ZNF385D: variants seen among roughly 807,000 people sequenced by gnomAD.
ZNF385D encodes the protein zinc finger protein 385D, also known as zinc finger protein 659.
In ZNF385D, 15 loss-of-function variants were observed where a neutral mutation model predicts 35.8. That is an observed-to-expected ratio of 0.42 (90% CI 0.28 to 0.64). The LOEUF (loss-of-function observed/expected upper bound fraction) is 0.64, where lower values mean the gene tolerates loss of function less well. Among genes scored for constraint, ZNF385D ranks in the 30% least tolerant of loss-of-function variants. The pLI is 0.23. For synonymous variants in ZNF385D, 212 were observed against 186.8 expected (o/e 1.13, Z -1.10); for missense variants, 474 against 494.6 (o/e 0.96, Z 0.39).
At chr3:21,791,749 T>C (rs2071935445) in intron 3 of ZNF385D, among the ~76,000 whole-genome samples, 1 of 152,212 alleles carries the variant, frequency 6.6e-6, no homozygotes, top group African/African-American at 2.4e-5. Flanking sequence ...TTTTTGGTTG[T>C]TGTTGAGATG....
chr3:22,186,310 G>A (rs1001045704), intron 2 of ZNF385D, among the ~76,000 whole-genome samples: 4 of 152,132 alleles, frequency 2.6e-5, no homozygotes, highest in African/African-American at 7.2e-5. Flanking sequence ...GTAATTTGAC[G>A]TAACTTGAAT....
intron 3 of ZNF385D, among the ~76,000 whole-genome samples, chr3:22,047,812 G>A (rs866236315): frequency 6.6e-6 from 1 of 151,966 alleles, no homozygotes; most frequent in Non-Finnish European, 1.5e-5. Flanking sequence ...AATTTTTTGA[G>A]GAATTTTCAT....
At chr3:22,008,581 C>G (rs569562470) in intron 3 of ZNF385D, among the ~76,000 whole-genome samples, 2 of 152,136 alleles carry the variant, frequency 1.3e-5, no homozygotes, top group South Asian at 2.1e-4. Context: ...TGGTCTCGAT[C>G]TCCTGACCTC....
chr3:22,292,015 A>G (rs1702325309), intron 2 of ZNF385D, among the ~76,000 whole-genome samples: 1 of 152,042 alleles, frequency 6.6e-6, no homozygotes, highest in Non-Finnish European at 1.5e-5. Flanking sequence ...AGGCTCTGTT[A>G]TCTCCTGAAC....
intron 1 of ZNF385D, among the ~76,000 whole-genome samples, chr3:21,691,453 C>A (rs17009327): frequency 1.3e-5 from 2 of 151,982 alleles, no homozygotes; most frequent in Non-Finnish European, 2.9e-5. Flanking sequence ...ACAAATCACC[C>A]GTCAGACACT....
chr3:21,751,467 C>T (rs924724875), upstream of ZNF385D: 21 of 985,832 alleles, frequency 2.1e-5, no homozygotes, highest in Non-Finnish European at 2.3e-5. Flanking sequence ...CGAGTTCTGC[C>T]ATTAACGTGT....
At chr3:22,064,102 G>A (rs1019163822) in intron 3 of ZNF385D, among the ~76,000 whole-genome samples, 1 of 152,188 alleles carries the variant, frequency 6.6e-6, no homozygotes, top group African/African-American at 2.4e-5. Context: ...GGACTGCTAG[G>A]ACTTCAGTCT....
At chr3:22,191,622 A>G (rs1696035488) in intron 2 of ZNF385D, among the ~76,000 whole-genome samples, 1 of 152,186 alleles carries the variant, frequency 6.6e-6, no homozygotes, top group African/African-American at 2.4e-5. Flanking sequence ...TTCTTACTAA[A>G]GATCTATTGT....
intron 3 of ZNF385D, among the ~76,000 whole-genome samples, chr3:21,812,290 G>C (rs1407524777): frequency 6.6e-6 from 1 of 152,368 alleles, no homozygotes; most frequent in East Asian, 1.9e-4. Context: ...GAGTGACGCA[G>C]AAGATGGGTG....
chr3:22,232,944 A>G (rs2125300840), intron 2 of ZNF385D, among the ~76,000 whole-genome samples: 1 of 152,298 alleles, frequency 6.6e-6, no homozygotes, highest in East Asian at 1.9e-4. Context: ...CATTCTGCTT[A>G]AACAGATTTT....
intron 3 of ZNF385D, among the ~76,000 whole-genome samples, chr3:22,042,872 A>G (rs1698753850): frequency 6.6e-6 from 1 of 152,212 alleles, no homozygotes; most frequent in Admixed American, 6.5e-5. Context: ...ATGTCAAAGT[A>G]AATTCTATAT....
At chr3:21,890,265 T>A (rs1698781023) in intron 3 of ZNF385D, among the ~76,000 whole-genome samples, 1 of 152,102 alleles carries the variant, frequency 6.6e-6, no homozygotes, top group Non-Finnish European at 1.5e-5. Flanking sequence ...AGAAAAAAAG[T>A]TTTCCTTAAG....
intron 3 of ZNF385D, among the ~76,000 whole-genome samples, chr3:22,001,566 A>G (rs2125415390): frequency 6.6e-6 from 1 of 152,188 alleles, no homozygotes; most frequent in Admixed American, 6.5e-5. Context: ...CACTCTCAGC[A>G]CTAGACAGAA....
intron 2 of ZNF385D, among the ~76,000 whole-genome samples, chr3:22,272,617 C>T (rs1701234232): frequency 6.6e-6 from 1 of 152,054 alleles, no homozygotes; most frequent in Admixed American, 6.6e-5. Context: ...TTATGTAACA[C>T]AGTGTTATCA....
chr3:21,732,261 A>G (rs1003925349), intron 1 of ZNF385D, among the ~76,000 whole-genome samples: 4 of 151,866 alleles, frequency 2.6e-5, no homozygotes, highest in African/African-American at 9.7e-5. Flanking sequence ...CATGTTGGCC[A>G]GTCTGGTCTG....
intron 1 of ZNF385D, among the ~76,000 whole-genome samples, chr3:21,688,571 T>C (rs184971691): frequency 6.6e-6 from 1 of 152,310 alleles, no homozygotes; most frequent in East Asian, 1.9e-4. Flanking sequence ...ACATTCTTTC[T>C]GAATCTCAGC....
intron 4 of ZNF385D, among the ~76,000 whole-genome samples, chr3:21,490,385 TATC>T (rs1299141156): frequency 1.3e-5 from 2 of 152,114 alleles, no homozygotes; most frequent in Non-Finnish European, 2.9e-5. Context: ...AAATAAAAAA[TATC>T]ATGATGCTAG....
chr3:21,566,282 G>A lies in ZNF385D; in HGVS notation c.166-1598C>T, dbSNP rs559860205. Among the ~76,000 whole-genome samples the A allele has an allele frequency of 5.9e-5, 9 of 152,150 alleles. No homozygotes were observed. In the South Asian group the frequency reaches 1.9e-3, roughly 32 times the overall value. ...AAACATTAATCCTTGCCCAAATTCT[G>A]GATGAAGCTCAGCCTCTCCTCATTG... On this transcript the variant is annotated intron_variant, in intron 2 of 7. Coordinates refer to ENST00000281523, the MANE Select transcript of ZNF385D (RefSeq NM_024697.3).
rs10627614 is a variant in ZNF385D, at chr3:22,066,461, C to CGTGTGTGTGTGTGTGTGTGT, written c.325+102336_325+102355dup. Among the ~76,000 whole-genome samples the CGTGTGTGTGTGTGTGTGTGT allele has an allele frequency of 6.8e-3, 670 of 98,168 alleles. 14 individuals are homozygous for CGTGTGTGTGTGTGTGTGTGT. Among genetic ancestry groups the CGTGTGTGTGTGTGTGTGTGT allele is most frequent in the Middle Eastern group, 0.013 (2 of 154 alleles). 64.4% of individuals were successfully genotyped at this position (98,168 alleles called of 152,430 possible). A position where few individuals can be genotyped will look rare whatever the true frequency, so the allele number is the denominator to read the frequency against. The stretch of plus-strand genomic sequence containing the variant: ...AAAGATACTGGGTGAGATGGTTCCC[C>CGTGTGTGTGTGTGTGTGTGT]GTGTGTGTGTGTGTGTGTGTGTGTG... On this transcript the variant is annotated intron_variant, in intron 3 of 5. Coordinates refer to the ZNF385D transcript ENST00000494108.
Sources: allele counts gnomAD v4.1 joint callset (sites outside exome capture counted in the v4.1 genomes callset), GRCh38; gene constraint gnomAD v4.1.1; transcripts MANE v1.5; gene names NCBI Gene and HGNC (gene_info 2026-07-23, HGNC 2026-07-21).